Variants in FAAH2 observed in about 807,000 individuals in gnomAD.
FAAH2 encodes fatty acid amide hydrolase 2.
FAAH2 carries 60 observed loss-of-function variants against 36.9 expected under a neutral mutation model. The observed-to-expected ratio is 1.63, with a 90% CI of 1.32 to 2.02. FAAH2 has a LOEUF of 2.02. FAAH2 is among the 30% of genes most tolerant of loss of function. FAAH2 has a pLI of 0.00. For synonymous variants in FAAH2, 214 were observed against 143.8 expected (o/e 1.49, Z -3.49); for missense variants, 689 against 397.5 (o/e 1.73, Z -6.23).
At chrX:57,420,520 TTGTC>T (rs1336711332) in intron 7 of FAAH2, among the ~76,000 whole-genome samples, 2 of 111,305 alleles carry the variant, frequency 1.8e-5, no homozygotes, top group African/African-American at 6.5e-5. Context: ...GGCTCTCTGT[TTGTC>T]TGTTATTGGT....
chrX:57,441,486 C>A (rs1210209039), intron 8 of FAAH2, among the ~76,000 whole-genome samples: 4 of 110,279 alleles, frequency 3.6e-5, no homozygotes, highest in African/African-American at 1.3e-4. Flanking sequence ...TTTGATTCCT[C>A]TCTCTTTTCT....
chrX:57,285,930 T>G (rs1257386603), upstream of FAAH2, among the ~76,000 whole-genome samples: 2 of 111,885 alleles, frequency 1.8e-5, no homozygotes, highest in African/African-American at 3.2e-5. Context: ...CTCAGTGAGA[T>G]CTGAGCCAGA....
intron 8 of FAAH2, among the ~76,000 whole-genome samples, chrX:57,439,639 C>T (rs1344532823): frequency 1.8e-5 from 2 of 111,484 alleles, no homozygotes; most frequent in Admixed American, 9.6e-5. Flanking sequence ...GCTTTTGTTG[C>T]CTTTGCTTTT....
chrX:57,432,206 G>A (rs192392930), intron 8 of FAAH2, among the ~76,000 whole-genome samples, 169 bp downstream of exon 8: 48 of 111,472 alleles, frequency 4.3e-4, no homozygotes, highest in African/African-American at 1.4e-3. Flanking sequence ...ATACGGAATA[G>A]GCATATATGC....
In FAAH2 at chrX:57,431,787, G is replaced by GTTTTTTTTTTT. The variant is rs58140227; in HGVS notation, c.997-123_997-122insTTTTTTTTTTT. The stretch of plus-strand genomic sequence containing the variant: ...TGTTTTTTTGTTTTTTTGTTTTTTT[G>GTTTTTTTTTTT]TTTTTTTTGGTGTTTCCATGGGGCA... On this transcript the variant is annotated intron_variant, in intron 7 of 10. Transcript: ENST00000374900. 2.3e-3 allele frequency: 292 copies of GTTTTTTTTTTT among 129,090 alleles called. 18 individuals are homozygous for GTTTTTTTTTTT. Among genetic ancestry groups the GTTTTTTTTTTT allele is most frequent in the Middle Eastern group, 0.011 (3 of 269 alleles). The allele number at this position is 129,090 out of a possible 1,213,427, so 10.6% of individuals were successfully genotyped here. A position where few individuals can be genotyped will look rare whatever the true frequency, so the allele number is the denominator to read the frequency against.
intron 8 of FAAH2, among the ~76,000 whole-genome samples, chrX:57,440,340 G>C (rs1365287702): frequency 9.0e-6 from 1 of 111,273 alleles, no homozygotes. Context: ...TGGATTCCTA[G>C]ATATTTTATT....
the FAAH2 span, among the ~76,000 whole-genome samples, chrX:57,147,392 C>T: frequency 9.0e-6 from 1 of 111,566 alleles, no homozygotes; most frequent in Non-Finnish European, 1.9e-5. Context: ...TCTGTGGTGT[C>T]GGTTGTAATA....
intron 8 of FAAH2, among the ~76,000 whole-genome samples, chrX:57,445,263 T>C (rs1214868733): frequency 9.0e-6 from 1 of 111,372 alleles, no homozygotes; most frequent in Non-Finnish European, 1.9e-5. Flanking sequence ...GGCACTGCTT[T>C]GGTGGTGTTG....
rs147582921 is a variant in FAAH2, at chrX:57,385,427, C to T, written c.996+4398C>T. ...AGAATAAAAATTTATTTCTCACACA[C>T]CTGAAGACAGGAAAGTCCAAGATCA... On this transcript the variant is annotated intron_variant, in intron 7 of 10. Coordinates refer to ENST00000374900, the MANE Select transcript of FAAH2 (RefSeq NM_174912.4). 2.5e-3 allele frequency among the ~76,000 whole-genome samples: 281 copies of T among 111,362 alleles called. 1 individual carries two copies. Among genetic ancestry groups the T allele is most frequent in the Non-Finnish European group, 4.5e-3 (238 of 53,066 alleles).
intron 5 of FAAH2, among the ~76,000 whole-genome samples, chrX:57,354,445 T>G (rs993443356): frequency 1.8e-5 from 2 of 109,764 alleles, no homozygotes; most frequent in Non-Finnish European, 3.8e-5. Context: ...GCTGAGAGAG[T>G]GGAACACGAT....
chrX:57,277,924 G>A, the FAAH2 span, among the ~76,000 whole-genome samples: 2 of 111,477 alleles, frequency 1.8e-5, no homozygotes, highest in South Asian at 3.8e-4. Context: ...AAGTAAAACC[G>A]GAGCAAAACA....
intron 7 of FAAH2, among the ~76,000 whole-genome samples, chrX:57,384,523 C>A (rs1337915223): frequency 9.0e-6 from 1 of 110,635 alleles, no homozygotes; most frequent in African/African-American, 3.3e-5. Context: ...AGGATATGAA[C>A]AGACACTTCT....
intron 7 of FAAH2, among the ~76,000 whole-genome samples, chrX:57,388,735 A>C (rs182147501): frequency 2.7e-5 from 3 of 111,353 alleles, no homozygotes. Flanking sequence ...TTACCACTCA[A>C]AAAACTTCTG....
At chrX:57,352,804 A>G (rs1328784918) in intron 5 of FAAH2, among the ~76,000 whole-genome samples, 2 of 111,283 alleles carry the variant, frequency 1.8e-5, no homozygotes, top group Non-Finnish European at 3.8e-5. Context: ...AGTATAATTT[A>G]TATGTGCTAA....
chrX:57,183,012 A>G, the FAAH2 span, among the ~76,000 whole-genome samples: 1 of 110,786 alleles, frequency 9.0e-6, no homozygotes, highest in Non-Finnish European at 1.9e-5. Context: ...ACACACACAC[A>G]AACACATATA....
At chrX:57,209,383 A>T in the FAAH2 span, among the ~76,000 whole-genome samples, 1 of 111,691 alleles carries the variant, frequency 9.0e-6, no homozygotes, top group East Asian at 2.8e-4. Flanking sequence ...AGGGCTCTTT[A>T]GTTAACAGAC....
the FAAH2 span, among the ~76,000 whole-genome samples, chrX:57,195,371 TTTATAGC>T: frequency 2.9e-3 from 322 of 112,114 alleles, no homozygotes; most frequent in African/African-American, 9.8e-3. Flanking sequence ...TGATGTGCAT[TTTATAGC>T]ATGTTTGTTG....
At chrX:57,427,661 A>G (rs1045085707) in intron 7 of FAAH2, among the ~76,000 whole-genome samples, 9 of 111,895 alleles carry the variant, frequency 8.0e-5, no homozygotes, top group South Asian at 3.7e-4. Context: ...AAGCCATATG[A>G]TCATCTCCAT....
chrX:57,235,379 T>A, the FAAH2 span, among the ~76,000 whole-genome samples: 5 of 111,518 alleles, frequency 4.5e-5, no homozygotes, highest in African/African-American at 1.6e-4. Flanking sequence ...TGCCTTTAGG[T>A]CTTGTTTATA....
Sources: allele counts gnomAD v4.1 joint callset (sites outside exome capture counted in the v4.1 genomes callset), GRCh38; gene constraint gnomAD v4.1.1; transcripts MANE v1.5; gene names NCBI Gene and HGNC (gene_info 2026-07-23, HGNC 2026-07-21).